EPB41L3: variants seen among roughly 807,000 people sequenced by gnomAD.
The protein encoded by EPB41L3 is erythrocyte membrane protein band 4.1 like 3, also known as band 4.1-like protein 3.
EPB41L3 carries 57 observed loss-of-function variants against 127.1 expected under a neutral mutation model. The ratio of observed to expected loss-of-function variants is 0.45; its 90% CI spans 0.36 to 0.56. EPB41L3 has a LOEUF of 0.56. Among genes scored for constraint, EPB41L3 ranks in the 20% least tolerant of loss-of-function variants. The pLI is 0.00. For synonymous variants in EPB41L3, 572 were observed against 549.5 expected, an observed-to-expected ratio of 1.04 and a Z score of -0.57; for missense variants, 1,273 against 1,372.2, an observed-to-expected ratio of 0.93 and a Z score of 1.14.
At chr18:5,398,513 T>A (rs2073968139) in intron 16 of EPB41L3, 1 of 403,092 alleles carries the variant, frequency 2.5e-6, no homozygotes, top group Non-Finnish European at 4.4e-6. Flanking sequence ...TGAAAAAAAA[T>A]TAAGAAGCTG....
chr18:5,576,133 G>T (rs575836433), intron 3 of EPB41L3, among the ~76,000 whole-genome samples: 5 of 152,298 alleles, frequency 3.3e-5, no homozygotes, highest in African/African-American at 9.6e-5. Context: ...ATTATGGAAA[G>T]TAATTTTTAT....
At chr18:5,607,931 G>A (rs964623831) in intron 3 of EPB41L3, among the ~76,000 whole-genome samples, 21 of 152,230 alleles carry the variant, frequency 1.4e-4, no homozygotes, top group African/African-American at 4.8e-4. Flanking sequence ...ATGTTAAACT[G>A]GCTAAAAGGA....
intron 3 of EPB41L3, among the ~76,000 whole-genome samples, chr18:5,467,057 A>G (rs1450394607): frequency 6.6e-6 from 1 of 152,198 alleles, no homozygotes. Context: ...CCAGAAGGGA[A>G]GGTTAGGGTC....
intron 3 of EPB41L3, among the ~76,000 whole-genome samples, chr18:5,453,789 G>A (rs191065754): frequency 3.3e-5 from 5 of 152,288 alleles, no homozygotes; most frequent in Admixed American, 2.6e-4. Flanking sequence ...ACAGTGTCCT[G>A]AACACAGCAG....
chr18:5,488,646 G>T (rs1234988969), intron 2 of EPB41L3, among the ~76,000 whole-genome samples: 1 of 151,808 alleles, frequency 6.6e-6, no homozygotes, highest in African/African-American at 2.4e-5. Flanking sequence ...TGATGCCTGG[G>T]GAAATGCAAA....
chr18:5,561,136 C>T (rs1203542975), intron 3 of EPB41L3, among the ~76,000 whole-genome samples: 1 of 151,014 alleles, frequency 6.6e-6, no homozygotes, highest in African/African-American at 2.4e-5. Context: ...CGCCACTACG[C>T]CCGGCTAATG....
At chr18:5,436,623 T>A (rs979787133) in intron 6 of EPB41L3, among the ~76,000 whole-genome samples, 1 of 152,164 alleles carries the variant, frequency 6.6e-6, no homozygotes, top group African/African-American at 2.4e-5. Context: ...TTAGCCAGGA[T>A]GGTCTTGATC....
Position 5,410,488 on chromosome 18 carries a change from G to A in EPB41L3, c.2121+78C>T, listed in dbSNP as rs964346978. ...ATCTCCATTACAACAGCTCATATGT[G>A]GAGTTCTTAAACACAGAGCCACCCC... is the stretch of plus-strand genomic sequence containing the variant. On this transcript the variant is annotated intron_variant, in intron 14 of 22. Transcript: ENST00000341928. The A allele has an allele frequency of 1.0e-5, 10 of 989,186 alleles. No individual in the cohort carries two copies. In the Admixed American group the frequency reaches 1.7e-4, roughly 17 times the overall value. 61.3% of individuals were successfully genotyped at this position (989,186 alleles called of 1,614,324 possible). A position where few individuals can be genotyped will look rare whatever the true frequency, so the allele number is the denominator to read the frequency against.
At chr18:5,595,807 C>T (rs964653969) in intron 3 of EPB41L3, among the ~76,000 whole-genome samples, 3 of 151,854 alleles carry the variant, frequency 2.0e-5, no homozygotes, top group Non-Finnish European at 2.9e-5. Context: ...ATTTCTAAAT[C>T]GGTGCTTCTT....
In EPB41L3 at chr18:5,400,618, T is replaced by C. The variant is rs144742236; in HGVS notation, c.2350-2475A>G. 1.0e-3 allele frequency: 471 copies of C among 465,864 alleles called. 1 individual carries two copies. The highest frequency in any genetic ancestry group is 8.8e-3 in the African/African-American group (445 of 50,600). The allele number at this position is 465,864 out of a possible 1,614,324, so 28.9% of individuals were successfully genotyped here. On this transcript the variant is annotated intron_variant, in intron 16 of 22. Transcript: ENST00000341928. Reference sequence around the variant, plus strand: ...TGGCTAGTGGGGAAACCAATAAGAATTCAGAACTTTCAAAATCAGTCAACT... The same window carrying C: ...TGGCTAGTGGGGAAACCAATAAGAACTCAGAACTTTCAAAATCAGTCAACT...
intron 3 of EPB41L3, among the ~76,000 whole-genome samples, chr18:5,452,674 G>A (rs1211644286): frequency 1.5e-5 from 2 of 131,350 alleles, no homozygotes; most frequent in Non-Finnish European, 3.3e-5. Context: ...AAAATAAAAT[G>A]ACACAAATGA....
At chr18:5,442,810 G>A (rs371418322) in intron 5 of EPB41L3, among the ~76,000 whole-genome samples, 66 of 152,252 alleles carry the variant, frequency 4.3e-4, no homozygotes, top group African/African-American at 1.4e-3. Flanking sequence ...TCTCAACCCC[G>A]ACACTGGATG....
chr18:5,423,496 A>T lies in EPB41L3; in HGVS notation c.1221T>A (p.Arg407=), dbSNP rs1022526093. The T allele has an allele frequency of 1.2e-6, 2 of 1,613,578 alleles. No individual in the cohort carries two copies. Among genetic ancestry groups the T allele is most frequent in the African/African-American group, 2.7e-5 (2 of 74,912 alleles). Residue 407 remains arginine, a synonymous_variant, in exon 11 of 23, where the codon CGT becomes CGA. Transcript: ENST00000341928. ...KKFLTLGSKF[R]YSGRTQAQTR... The stretch of plus-strand genomic sequence containing the variant: ...TTTGCGCTTGTGTCCTGCCACTATA[A>T]CGAAACTTGGAACCCAAGGTTAGGA...
In EPB41L3 at chr18:5,484,109, A is replaced by C. The variant is rs1012260205; in HGVS notation, c.183+4892T>G. On this transcript the variant is annotated intron_variant, in intron 2 of 22. Coordinates refer to ENST00000341928, the MANE Select transcript of EPB41L3 (RefSeq NM_012307.5). Reference sequence around the variant, plus strand: ...CTCAAAAAAAAAAAAAAAAAAAAAAAAAAAAAAAAAAACAGAAAAAAAAAA... The same window carrying C: ...CTCAAAAAAAAAAAAAAAAAAAAAACAAAAAAAAAAAACAGAAAAAAAAAA... Among the ~76,000 whole-genome samples the C allele has an allele frequency of 1.4e-3, 206 of 143,860 alleles. 2 individuals are homozygous for C. Among genetic ancestry groups the C allele is most frequent in the African/African-American group, 5.0e-3 (196 of 39,102 alleles). 94.4% of individuals were successfully genotyped at this position (143,860 alleles called of 152,430 possible).
At chr18:5,577,510 C>T in intron 3 of EPB41L3, 1 of 323,700 alleles carries the variant, frequency 3.1e-6, no homozygotes, top group South Asian at 2.5e-5. Context: ...CTATCACATC[C>T]AGATTCTCTC....
chr18:5,400,662 C>A, intron 16 of EPB41L3: 1 of 485,898 alleles, frequency 2.1e-6, no homozygotes, highest in Non-Finnish European at 4.0e-6. Context: ...ATTAGCACGA[C>A]TCTACAGGTA....
chr18:5,442,687 G>C (rs2080953287), intron 5 of EPB41L3, among the ~76,000 whole-genome samples: 1 of 152,120 alleles, frequency 6.6e-6, no homozygotes, highest in Non-Finnish European at 1.5e-5. Flanking sequence ...GAAGAATTTA[G>C]ACTTTACTGA....
chr18:5,441,259 A>G (rs2146153318), intron 5 of EPB41L3, among the ~76,000 whole-genome samples: 1 of 152,220 alleles, frequency 6.6e-6, no homozygotes, highest in Non-Finnish European at 1.5e-5. Context: ...ATCTCATTCT[A>G]AAGGAATACT....
intron 3 of EPB41L3, among the ~76,000 whole-genome samples, chr18:5,593,657 G>A (rs1164729474): frequency 6.6e-6 from 1 of 152,092 alleles, no homozygotes; most frequent in Non-Finnish European, 1.5e-5. Flanking sequence ...TATTAGGCGG[G>A]AATTTCCTCG....
Sources: gnomAD v4.1 joint callset for allele counts (sites outside exome capture counted in the v4.1 genomes callset) on GRCh38, gnomAD v4.1.1 for gene constraint, MANE v1.5 for transcripts, NCBI Gene and HGNC (gene_info 2026-07-23, HGNC 2026-07-21) for gene names.